The following ADAMTS18 variants were observed in gnomAD, a reference collection of about 807,000 sequenced individuals.
ADAMTS18 encodes ADAM metallopeptidase with thrombospondin type 1 motif 18.
Under a neutral mutation model 165.9 loss-of-function variants are expected in ADAMTS18, and 157 were observed. The observed-to-expected ratio is 0.95, with a 90% CI of 0.83 to 1.08. ADAMTS18 has a LOEUF of 1.08. Among genes scored for constraint, ADAMTS18 ranks in the 50% least tolerant of loss-of-function variants. The pLI is 0.00. For missense variants in ADAMTS18, 2,040 were observed against 1,534.0 expected (o/e 1.33, Z -5.51); for synonymous variants, 782 against 578.2 (o/e 1.35, Z -5.06).
chr16:77,432,328 T>G (rs1167945898), intron 2 of ADAMTS18: 2 of 152,410 alleles, frequency 1.3e-5, no homozygotes, highest in Non-Finnish European at 2.9e-5. Context: ...AACCCTCCTA[T>G]ATAGTCTGAT....
intron 16 of ADAMTS18, among the ~76,000 whole-genome samples, chr16:77,303,960 G>A (rs112065685): frequency 0.026 from 4,022 of 152,174 alleles, 72 homozygotes; most frequent in South Asian, 0.056. Context: ...AACTCAGGAG[G>A]CGGAGCTTGC....
intron 3 of ADAMTS18, among the ~76,000 whole-genome samples, chr16:77,386,021 A>C (rs2057102551): frequency 6.6e-6 from 1 of 152,204 alleles, no homozygotes; most frequent in Admixed American, 6.5e-5. Context: ...GCTAGCATTT[A>C]GTTTTCCTAT....
intron 3 of ADAMTS18, among the ~76,000 whole-genome samples, chr16:77,379,808 G>C (rs1384176793): frequency 6.6e-6 from 1 of 152,054 alleles, no homozygotes; most frequent in South Asian, 2.1e-4. Context: ...TTTAAGATGA[G>C]TCAGGTAAAG....
At chr16:77,346,229 G>A (rs1319984965) in intron 10 of ADAMTS18, among the ~76,000 whole-genome samples, 1 of 152,028 alleles carries the variant, frequency 6.6e-6, no homozygotes, top group Non-Finnish European at 1.5e-5. Context: ...AGCACTTGTG[G>A]CTTCATTTAC....
rs146728933 is a variant in ADAMTS18, at chr16:77,295,061, G to A, written c.2868C>T (p.Ile956=). 6.2e-7 allele frequency: 1 copy of A among 1,614,008 alleles called. No individual in the cohort carries two copies. Among genetic ancestry groups the A allele is most frequent in the Non-Finnish European group, 8.5e-7 (1 of 1,180,042 alleles). The change falls in exon 19 of 23, where the codon ATC becomes ATT. Residue 956 remains isoleucine (I), a synonymous_variant. Transcript: ENST00000282849. ...GGAAGGGCTTCTTTTGCACACACTG[G>A]ATCTTTCGGCTCTGCTGGCCTCCAG... ...ACAGGQQSRK[I]QCVQKKPFQK... is the part of the protein sequence containing the mutation.
chr16:77,434,620 C>G lies in ADAMTS18; in HGVS notation c.76G>C (p.Gly26Arg). Residue 26 changes from glycine to arginine, a missense_variant, in exon 1 of 23, where the codon GGG becomes CGG. Coordinates refer to ENST00000282849, the MANE Select transcript of ADAMTS18 (RefSeq NM_199355.4). ...GCGGCACCTGCCTTGGCCACGCGCC[C>G]CAGTCCCGCCAGGCCCCTCGGCGGG... ...SGPPRGLAGLGRVAKALQLCC... is the reference protein window; with the variant it reads ...SGPPRGLAGLRRVAKALQLCC... 1.3e-6 allele frequency: 2 copies of G among 1,509,792 alleles called. No individual in the cohort carries two copies. Among genetic ancestry groups the G allele is most frequent in the East Asian group, 2.6e-5 (1 of 38,110 alleles). The allele number at this position is 1,509,792 out of a possible 1,614,324, so 93.5% of individuals were successfully genotyped here. A position where few individuals can be genotyped will look rare whatever the true frequency, so the allele number is the denominator to read the frequency against.
intron 10 of ADAMTS18, among the ~76,000 whole-genome samples, chr16:77,349,087 T>C (rs574740820): frequency 5.3e-5 from 8 of 152,272 alleles, no homozygotes; most frequent in Admixed American, 5.2e-4. Flanking sequence ...TATAATAGTA[T>C]CAAATAGTAT....
chr16:77,430,576 A>G (rs2057726618), intron 3 of ADAMTS18, among the ~76,000 whole-genome samples: 1 of 152,192 alleles, frequency 6.6e-6, no homozygotes, highest in African/African-American at 2.4e-5. Flanking sequence ...CTCAATCACA[A>G]CACAGAATGA....
chr16:77,291,448 T>C lies in ADAMTS18; in HGVS notation c.3220A>G (p.Lys1074Glu). Residue 1074 changes from lysine (K) to glutamate (E), a missense_variant, in exon 21 of 23, where the codon AAG becomes GAG. Lys to Glu is a moderately conservative substitution (Grantham distance 56). Coordinates refer to ENST00000282849, the MANE Select transcript of ADAMTS18 (RefSeq NM_199355.4). ...CSATCGLGVR[K>E]REMKCSEKGF... is the part of the protein sequence containing the mutation. Reference sequence around the variant, plus strand: ...TTCTCGCTGCACTTCATCTCCCTCTTCCTCACACCCAAACCACAGGTTGCA... The same window carrying C: ...TTCTCGCTGCACTTCATCTCCCTCTCCCTCACACCCAAACCACAGGTTGCA... 1 of 1,614,090 alleles carries C rather than the reference T, an allele frequency of 6.2e-7. No individual in the cohort carries two copies. The highest frequency in any genetic ancestry group is 8.5e-7 in the Non-Finnish European group (1 of 1,180,014).
At chr16:77,372,685 TC>T (rs1175848363) in intron 3 of ADAMTS18, among the ~76,000 whole-genome samples, 2 of 152,180 alleles carry the variant, frequency 1.3e-5, no homozygotes, top group African/African-American at 4.8e-5. Context: ...AAGTAAAATC[TC>T]AGATTTCACA....
intron 20 of ADAMTS18, among the ~76,000 whole-genome samples, chr16:77,292,224 G>T (rs997382806): frequency 3.3e-5 from 5 of 152,190 alleles, no homozygotes; most frequent in Admixed American, 2.0e-4. Context: ...CCTGAGCGAG[G>T]GAGGTGGAGG....
intron 12 of ADAMTS18, among the ~76,000 whole-genome samples, chr16:77,334,997 G>A (rs1485990377): frequency 7.0e-6 from 1 of 142,466 alleles, no homozygotes; most frequent in African/African-American, 2.6e-5. Flanking sequence ...TATATATACT[G>A]TATATTAATA....
intron 11 of ADAMTS18, among the ~76,000 whole-genome samples, chr16:77,339,505 T>C (rs1014184243): frequency 2.0e-5 from 3 of 152,072 alleles, no homozygotes; most frequent in African/African-American, 7.2e-5. Flanking sequence ...TAATAAATCT[T>C]TAGACCTAGG....
intron 16 of ADAMTS18, among the ~76,000 whole-genome samples, chr16:77,300,661 A>G (rs181638527): frequency 6.6e-6 from 1 of 152,116 alleles, no homozygotes; most frequent in Admixed American, 6.6e-5. Context: ...CCATAAGCCC[A>G]TAACGTATAC....
intron 16 of ADAMTS18, among the ~76,000 whole-genome samples, chr16:77,312,912 A>T (rs1277263021): frequency 6.6e-6 from 1 of 152,144 alleles, no homozygotes; most frequent in African/African-American, 2.4e-5. Context: ...TTGAACTAGA[A>T]ATACCATTTG....
intron 16 of ADAMTS18, among the ~76,000 whole-genome samples, chr16:77,316,252 T>C (rs1481205109): frequency 1.1e-5 from 1 of 92,432 alleles, no homozygotes; most frequent in Non-Finnish European, 2.1e-5. Context: ...CATAGCAGCC[T>C]GGTTGAATTT....
intron 3 of ADAMTS18, among the ~76,000 whole-genome samples, chr16:77,394,600 A>G (rs2057232926): frequency 6.6e-6 from 1 of 152,220 alleles, no homozygotes; most frequent in Non-Finnish European, 1.5e-5. Flanking sequence ...GTGGAAATCT[A>G]TTACAGATTA....
intron 3 of ADAMTS18, among the ~76,000 whole-genome samples, chr16:77,409,671 G>T (rs998125792): frequency 3.3e-5 from 5 of 152,066 alleles, no homozygotes; most frequent in African/African-American, 7.2e-5. Flanking sequence ...CCACTCTGAC[G>T]GGTCTGCTTC....
chr16:77,422,285 A>G (rs1480766325), intron 3 of ADAMTS18, among the ~76,000 whole-genome samples: 1 of 152,126 alleles, frequency 6.6e-6, no homozygotes, highest in East Asian at 1.9e-4. Flanking sequence ...GGTATTATAT[A>G]GGGTCCACCT....
Sources: allele counts gnomAD v4.1 joint callset (sites outside exome capture counted in the v4.1 genomes callset), GRCh38; gene constraint gnomAD v4.1.1; transcripts MANE v1.5; gene names NCBI Gene and HGNC (gene_info 2026-07-23, HGNC 2026-07-21).